The following FAM3B variants were observed in gnomAD, a reference collection of about 807,000 sequenced individuals.
The protein encoded by FAM3B is FAM3 metabolism regulating signaling molecule B.
Under a neutral mutation model 28.4 loss-of-function variants are expected in FAM3B, and 29 were observed. The ratio of observed to expected loss-of-function variants is 1.02; its 90% CI spans 0.76 to 1.39. The LOEUF is 1.39. Among genes scored for constraint, FAM3B ranks in the 40% most tolerant of loss-of-function variants. FAM3B has a pLI of 0.00. For missense variants in FAM3B, 266 were observed against 293.9 expected, an observed-to-expected ratio of 0.91 and a Z score of 0.69; for synonymous variants, 91 against 103.0, an observed-to-expected ratio of 0.88 and a Z score of 0.71.
chr21:41,347,965 A>G (rs1008104750), intron 6 of FAM3B, among the ~76,000 whole-genome samples: 2 of 152,074 alleles, frequency 1.3e-5, no homozygotes, highest in African/African-American at 4.8e-5. Flanking sequence ...GCATTTCCCA[A>G]ATTTATCAGA....
At chr21:41,348,462 A>G in intron 6 of FAM3B, 130 bp from the exon 7 acceptor site, 1 of 969,932 alleles carries the variant, frequency 1.0e-6, no homozygotes, top group Non-Finnish European at 1.6e-6. Flanking sequence ...TGTGTCATGC[A>G]CTGCAGCAGG....
upstream of FAM3B, among the ~76,000 whole-genome samples, chr21:41,313,105 C>A (rs1296009386): frequency 6.6e-6 from 1 of 152,232 alleles, no homozygotes; most frequent in Non-Finnish European, 1.5e-5. Flanking sequence ...CCTGAAATGG[C>A]ACTTGACCAT....
intron 3 of FAM3B, among the ~76,000 whole-genome samples, chr21:41,339,751 T>G (rs424513): frequency 0.74 from 112,015 of 152,174 alleles, 42,202 homozygotes; most frequent in East Asian, 0.93. Context: ...TTTATTAAGG[T>G]TATAAAGAGT....
chr21:41,347,210 C>G (rs11701669), intron 6 of FAM3B, 110 bp downstream of exon 6: 3 of 847,732 alleles, frequency 3.5e-6, no homozygotes, highest in Non-Finnish European at 6.1e-6. Flanking sequence ...AGTCCAGGAG[C>G]AAAGTACTTC....
intron 1 of FAM3B, chr21:41,304,318 G>A (rs1263724698): frequency 2.2e-6 from 1 of 455,984 alleles, no homozygotes; most frequent in African/African-American, 2.0e-5. Context: ...TGGGTGAGAG[G>A]ACGCGGGGCT....
intron 1 of FAM3B, among the ~76,000 whole-genome samples, chr21:41,318,478 C>G (rs1383555608): frequency 6.6e-6 from 1 of 152,192 alleles, no homozygotes; most frequent in Non-Finnish European, 1.5e-5. Context: ...TGCACTCCTG[C>G]TGTGGTGTTT....
intron 1 of FAM3B, among the ~76,000 whole-genome samples, chr21:41,307,003 C>T (rs1380228499): frequency 1.3e-5 from 2 of 152,208 alleles, no homozygotes; most frequent in South Asian, 4.1e-4. Context: ...AAAGAGTTAG[C>T]CTGTCTCTGA....
At position 41,326,696 on chromosome 21, in the gene FAM3B, C is replaced by T. The variant is rs149101395; in HGVS notation, c.163+3630C>T. Reference sequence around the variant, plus strand: ...ATCCCTATGGGACCCCCACAATGGCCCCGCTGGAGACGCCAGCACCAGCCC... The same window carrying T: ...ATCCCTATGGGACCCCCACAATGGCTCCGCTGGAGACGCCAGCACCAGCCC... On this transcript the variant is annotated intron_variant, in intron 2 of 7. Coordinates refer to ENST00000357985, the MANE Select transcript of FAM3B (RefSeq NM_058186.4). This position sits in a 1 kb window ranked among gnomAD's most constrained non-coding sequence, Gnocchi z 4.0. 3.3e-5 allele frequency among the ~76,000 whole-genome samples: 5 copies of T among 152,346 alleles called. No homozygotes were observed. The highest frequency in any genetic ancestry group is 7.4e-5 in the Non-Finnish European group (5 of 68,020).
chr21:41,354,554 T>C (rs1189729100), intron 7 of FAM3B, among the ~76,000 whole-genome samples: 1 of 152,178 alleles, frequency 6.6e-6, no homozygotes, highest in Non-Finnish European at 1.5e-5. Context: ...CTGGAGGCCA[T>C]TATCCTTAGC....
intron 1 of FAM3B, among the ~76,000 whole-genome samples, chr21:41,310,270 G>T (rs948763548): frequency 6.6e-6 from 1 of 151,892 alleles, no homozygotes; most frequent in African/African-American, 2.4e-5. Flanking sequence ...GTTCCTCTTG[G>T]TGGCACCACG....
intron 1 of FAM3B, among the ~76,000 whole-genome samples, chr21:41,317,727 C>T (rs7283898): frequency 0.29 from 43,454 of 152,016 alleles, 6,839 homozygotes; most frequent in East Asian, 0.68. Context: ...ATCCCAGGTC[C>T]TCTGTAGTGA....
At chr21:41,332,621 A>G (rs1361052654) in intron 2 of FAM3B, among the ~76,000 whole-genome samples, 1 of 152,220 alleles carries the variant, frequency 6.6e-6, no homozygotes, top group African/African-American at 2.4e-5. Context: ...ATTGGTTGGT[A>G]AAATTCAGCC....
chr21:41,356,048 C>T (rs865814684), intron 7 of FAM3B, among the ~76,000 whole-genome samples: 1,976 of 121,974 alleles, frequency 0.016, 46 homozygotes, highest in African/African-American at 0.055. Context: ...CATACACACA[C>T]ACACACACAC....
chr21:41,311,251 AATAT>A (rs1168140562), intron 1 of FAM3B, among the ~76,000 whole-genome samples: 556 of 34,784 alleles, frequency 0.016, 3 homozygotes, highest in African/African-American at 0.023. Flanking sequence ...AAAAAAAAAA[AATAT>A]ATATATATAT....
rs1249298526 is a variant in FAM3B, at chr21:41,326,932, GA to G, written c.163+3868del. On this transcript the variant is annotated intron_variant, in intron 2 of 7. Coordinates refer to ENST00000357985, the MANE Select transcript of FAM3B (RefSeq NM_058186.4). The surrounding 1 kb of genome is among the most constrained non-coding windows in gnomAD (Gnocchi z 4.0). ...TTAGCAGCTGCTGCCTCTGCCTTGG[GA>G]ACCTGTCATGGGATTGAGGCCAGGC... 1.3e-5 allele frequency among the ~76,000 whole-genome samples: 2 copies of G among 152,172 alleles called. No individual in the cohort carries two copies. The highest frequency in any genetic ancestry group is 4.8e-5 in the African/African-American group (2 of 41,438).
chr21:41,328,830 C>T (rs1009924573), intron 2 of FAM3B, among the ~76,000 whole-genome samples: 5 of 152,074 alleles, frequency 3.3e-5, no homozygotes, highest in African/African-American at 1.2e-4. Flanking sequence ...TGAGCACTCC[C>T]AGGAGAGCTC....
chr21:41,311,254 ATATATATATATATATAT>A lies in FAM3B; in HGVS notation n.99+6945_99+6961del, dbSNP rs1568908563. On this transcript the variant is annotated intron_variant and non_coding_transcript_variant, in intron 1 of 9. Coordinates refer to the FAM3B transcript ENST00000479810. ...GTCTCTACAAAAAAAAAAAAAAAAT[ATATATATATATATATAT>A]ATATATATATATATATATATATATA... Among the ~76,000 whole-genome samples the A allele has an allele frequency of 7.0e-3, 197 of 28,232 alleles. 8 individuals carry two copies. Among genetic ancestry groups the A allele is most frequent in the Middle Eastern group, 0.026 (1 of 38 alleles). 18.5% of individuals were successfully genotyped at this position (28,232 alleles called of 152,430 possible).
rs193234552 is a variant in FAM3B, at chr21:41,324,988, G to A, written c.163+1922G>A. Reference sequence around the variant, plus strand: ...ATGGTTGCAGGTGCCTGTAATCCCAGCTACTCGGGAGGCTGAGGCAGGAGA... The same window carrying A: ...ATGGTTGCAGGTGCCTGTAATCCCAACTACTCGGGAGGCTGAGGCAGGAGA... On this transcript the variant is annotated intron_variant, in intron 2 of 7. Coordinates refer to ENST00000357985, the MANE Select transcript of FAM3B (RefSeq NM_058186.4). 3.8e-3 allele frequency among the ~76,000 whole-genome samples: 573 copies of A among 152,274 alleles called. 4 individuals are homozygous for A. The highest frequency in any genetic ancestry group is 0.013 in the African/African-American group (543 of 41,562).
upstream of FAM3B, among the ~76,000 whole-genome samples, chr21:41,314,754 G>A (rs2088734665): frequency 8.5e-6 from 1 of 117,298 alleles, no homozygotes; most frequent in Non-Finnish European, 1.7e-5. Context: ...CATTAGGAAG[G>A]CTACTATTAA....
Sources: gnomAD v4.1 joint callset for allele counts (sites outside exome capture counted in the v4.1 genomes callset) on GRCh38, gnomAD v4.1.1 for gene constraint, Gnocchi (gnomAD v3.1) non-coding constraint, MANE v1.5 for transcripts, NCBI Gene and HGNC (gene_info 2026-07-23, HGNC 2026-07-21) for gene names.